The following TSPAN13 variants were observed in gnomAD, a reference collection of about 807,000 sequenced individuals.
The protein encoded by TSPAN13 is tetraspanin 13, also known as tetraspanin-13.
In TSPAN13, 18 loss-of-function variants were observed where a neutral mutation model predicts 26.9. That is an observed-to-expected ratio of 0.67 (90% CI 0.46 to 0.99). TSPAN13 has a LOEUF of 0.99. TSPAN13 is among the 50% of genes least tolerant of loss of function. The pLI is 0.00. For missense variants in TSPAN13, 201 were observed against 249.6 expected (o/e 0.81, Z 1.31); for synonymous variants, 116 against 98.4 (o/e 1.18, Z -1.06).
At chr7:16,772,997 A>G (rs1374747273) in intron 1 of TSPAN13, among the ~76,000 whole-genome samples, 1 of 152,110 alleles carries the variant, frequency 6.6e-6, no homozygotes, top group East Asian at 1.9e-4. Context: ...CTCTGTCTCC[A>G]AAAAATAAAA....
At chr7:16,759,281 A>C (rs920085528) in intron 1 of TSPAN13, among the ~76,000 whole-genome samples, 1 of 152,218 alleles carries the variant, frequency 6.6e-6, no homozygotes, top group Admixed American at 6.5e-5. Flanking sequence ...ATGGTTCTGC[A>C]GGAAGCATAG....
intron 1 of TSPAN13, among the ~76,000 whole-genome samples, chr7:16,762,946 A>T (rs777924090): frequency 1.3e-5 from 2 of 152,174 alleles, no homozygotes; most frequent in African/African-American, 2.4e-5. Flanking sequence ...AAGTTTGGGC[A>T]TATGTGTACA....
rs368702619 is a variant in TSPAN13, at chr7:16,754,046, C to A, written c.63+16C>A. Reference sequence around the variant, plus strand: ...GCTTTACACCGTGAGTATCCCCAGTCCGTTCCTGCTCGCTTGGGGGCTTTG... The same window carrying A: ...GCTTTACACCGTGAGTATCCCCAGTACGTTCCTGCTCGCTTGGGGGCTTTG... On this transcript the variant is annotated intron_variant, in intron 1 of 5. Coordinates refer to ENST00000262067, the MANE Select transcript of TSPAN13 (RefSeq NM_014399.4). 5 of 1,612,802 alleles carry A rather than the reference C, an allele frequency of 3.1e-6. No homozygotes were observed. The highest frequency in any genetic ancestry group is 2.2e-5 in the South Asian group (2 of 90,912).
chr7:16,761,690 A>ATTTTTTTT (rs35451307), intron 1 of TSPAN13, among the ~76,000 whole-genome samples: 3 of 93,318 alleles, frequency 3.2e-5, no homozygotes, highest in African/African-American at 4.2e-5. Context: ...CAGCTAATTA[A>ATTTTTTTT]TTTTTTTTTT....
rs563103049 is a variant in TSPAN13, at chr7:16,777,310, G to A, written c.312+188G>A. 1.8e-4 allele frequency among the ~76,000 whole-genome samples: 27 copies of A among 152,234 alleles called. No homozygotes were observed. The South Asian group carries it at 5.6e-3, about 32-fold the overall frequency. ...TTGGAGCCGGACACCATCAGGTGTTGCCATTTTCGGTATCTTTTAAATCGG... is the reference window on the plus strand; with the variant it reads ...TTGGAGCCGGACACCATCAGGTGTTACCATTTTCGGTATCTTTTAAATCGG... On this transcript the variant is annotated intron_variant, in intron 3 of 5. Coordinates refer to ENST00000262067, the MANE Select transcript of TSPAN13 (RefSeq NM_014399.4).
rs1416391008 is a variant in TSPAN13, at chr7:16,753,851, A to G, written c.-117A>G. On this transcript the variant is annotated 5_prime_UTR_variant, in exon 1 of 6. Transcript: ENST00000262067. Reference sequence around the variant, plus strand: ...AGCCCCAGGCCCCGGCCCCCCACCCACGTCTGCGTTGCTGCCCCGCCTGGG... The same window carrying G: ...AGCCCCAGGCCCCGGCCCCCCACCCGCGTCTGCGTTGCTGCCCCGCCTGGG... 12 of 1,104,010 alleles carry G rather than the reference A, an allele frequency of 1.1e-5. No individual in the cohort carries two copies. The South Asian group carries it at 1.3e-4, about 12-fold the overall frequency. 68.4% of individuals were successfully genotyped at this position (1,104,010 alleles called of 1,614,324 possible). A position where few individuals can be genotyped will look rare whatever the true frequency, so the allele number is the denominator to read the frequency against.
chr7:16,767,985 C>T (rs202149703), intron 1 of TSPAN13, among the ~76,000 whole-genome samples: 4 of 152,030 alleles, frequency 2.6e-5, no homozygotes, highest in Non-Finnish European at 5.9e-5. Flanking sequence ...CCATCTCGGC[C>T]CACTGCAACC....
chr7:16,759,059 A>T (rs944165179), intron 1 of TSPAN13, among the ~76,000 whole-genome samples: 2 of 152,194 alleles, frequency 1.3e-5, no homozygotes, highest in Non-Finnish European at 2.9e-5. Context: ...TTAGAAGGTA[A>T]ACAAGTTTTA....
chr7:16,766,002 A>G (rs1784599857), intron 1 of TSPAN13, among the ~76,000 whole-genome samples: 1 of 152,236 alleles, frequency 6.6e-6, no homozygotes, highest in African/African-American at 2.4e-5. Context: ...ATAACACATA[A>G]TTATCACTAC....
intron 1 of TSPAN13, among the ~76,000 whole-genome samples, chr7:16,769,897 A>G (rs921181502): frequency 9.2e-5 from 14 of 152,070 alleles, no homozygotes; most frequent in Admixed American, 5.2e-4. Flanking sequence ...AATCTTTCCT[A>G]TCTTTTGTCA....
intron 1 of TSPAN13, among the ~76,000 whole-genome samples, chr7:16,755,102 C>G (rs1250224801): frequency 6.6e-6 from 1 of 151,976 alleles, no homozygotes; most frequent in East Asian, 2.0e-4. Context: ...CCATAGTAGT[C>G]TTGCTCCCTT....
chr7:16,763,319 T>A (rs58252778), intron 1 of TSPAN13, among the ~76,000 whole-genome samples: 2,269 of 152,224 alleles, frequency 0.015, 54 homozygotes, highest in African/African-American at 0.052. Flanking sequence ...ATCAGTGCAA[T>A]TTTGCAGGTA....
At chr7:16,779,169 G>T in intron 5 of TSPAN13, 53 bp downstream of exon 5, 1 of 1,377,286 alleles carries the variant, frequency 7.3e-7, no homozygotes. Context: ...TTCCTGTTTT[G>T]CATGACAAAG....
chr7:16,780,501 G>A (rs1177753773), intron 5 of TSPAN13, among the ~76,000 whole-genome samples: 1 of 152,114 alleles, frequency 6.6e-6, no homozygotes, highest in African/African-American at 2.4e-5. Context: ...TTGTGAGTTG[G>A]TTGTGACATT....
Position 16,784,311 on chromosome 7 carries a change from A to G in TSPAN13, c.*820A>G, listed in dbSNP as rs1784848076. 6.6e-6 allele frequency: 1 copy of G among 152,216 alleles called. No homozygotes were observed. Among genetic ancestry groups the G allele is most frequent in the Non-Finnish European group, 1.5e-5 (1 of 68,022 alleles). The allele number at this position is 152,216 out of a possible 1,614,324, so 9.4% of individuals were successfully genotyped here. A position where few individuals can be genotyped will look rare whatever the true frequency, so the allele number is the denominator to read the frequency against. ...GCGTTGGCCCACGTAGCAAAAAGATATTTGATTATCTTAAAAATTGTTAAA... is the reference window on the plus strand; with the variant it reads ...GCGTTGGCCCACGTAGCAAAAAGATGTTTGATTATCTTAAAAATTGTTAAA... On this transcript the variant is annotated 3_prime_UTR_variant, in exon 6 of 6. Transcript: ENST00000262067.
chr7:16,766,228 A>G (rs924163390), intron 1 of TSPAN13, among the ~76,000 whole-genome samples: 1 of 152,258 alleles, frequency 6.6e-6, no homozygotes, highest in Non-Finnish European at 1.5e-5. Context: ...TTTAAATGAA[A>G]AAATCCAACA....
intron 1 of TSPAN13, among the ~76,000 whole-genome samples, chr7:16,772,052 T>C (rs1420250516): frequency 6.6e-6 from 1 of 152,342 alleles, no homozygotes; most frequent in African/African-American, 2.4e-5. Context: ...TTTTTGGTTG[T>C]AGAGATCTTT....
At chr7:16,768,208 C>T (rs1784630135) in intron 1 of TSPAN13, among the ~76,000 whole-genome samples, 1 of 152,232 alleles carries the variant, frequency 6.6e-6, no homozygotes, top group Non-Finnish European at 1.5e-5. Flanking sequence ...GCCACCGCAC[C>T]TGGCCTGTAG....
At chr7:16,778,526 C>T (rs913668573) in intron 4 of TSPAN13, among the ~76,000 whole-genome samples, 18 of 152,204 alleles carry the variant, frequency 1.2e-4, no homozygotes, top group African/African-American at 2.9e-4. Context: ...CCTCTCCCCA[C>T]GCTCAGTGGT....
Sources: gnomAD v4.1 joint callset for allele counts (sites outside exome capture counted in the v4.1 genomes callset) on GRCh38, gnomAD v4.1.1 for gene constraint, MANE v1.5 for transcripts, NCBI Gene and HGNC (gene_info 2026-07-23, HGNC 2026-07-21) for gene names.